PCDH7: variants seen among roughly 807,000 people sequenced by gnomAD.
PCDH7 encodes the protein protocadherin 7.
A neutral mutation model predicts 58.9 loss-of-function variants in PCDH7; 17 were observed. That is an observed-to-expected ratio of 0.29 (90% confidence interval 0.20 to 0.43). PCDH7 has a LOEUF of 0.43. PCDH7 is among the 20% of genes least tolerant of loss of function. The pLI, the probability that PCDH7 is intolerant of heterozygous loss-of-function variation, is 1.00. For synonymous variants in PCDH7, 664 were observed against 616.4 expected, an observed-to-expected ratio of 1.08 and a Z score of -1.14; for missense variants, 1,274 against 1,441.0, an observed-to-expected ratio of 0.88 and a Z score of 1.88.
intron 3 of PCDH7, among the ~76,000 whole-genome samples, chr4:31,121,871 G>A (rs1717732893): frequency 6.6e-6 from 1 of 152,114 alleles, no homozygotes; most frequent in African/African-American, 2.4e-5. Flanking sequence ...CTACAAGGTA[G>A]CAGATTTTAT....
At chr4:31,101,101 T>A (rs1329392822) in intron 3 of PCDH7, among the ~76,000 whole-genome samples, 2 of 150,980 alleles carry the variant, frequency 1.3e-5, no homozygotes, top group Non-Finnish European at 3.0e-5. Flanking sequence ...CCAGGTAGCA[T>A]TTTTTTTTCA....
chr4:31,088,042 C>CA (rs2109280017), intron 3 of PCDH7, among the ~76,000 whole-genome samples: 1 of 151,970 alleles, frequency 6.6e-6, no homozygotes, highest in Non-Finnish European at 1.5e-5. Flanking sequence ...GGTGTAATGC[C>CA]AAAAATCACT....
intron 3 of PCDH7, among the ~76,000 whole-genome samples, chr4:31,094,023 T>C (rs1713617331): frequency 6.6e-6 from 1 of 152,146 alleles, no homozygotes; most frequent in African/African-American, 2.4e-5. Flanking sequence ...TCTATCACTG[T>C]CTTTGGGAAC....
chr4:31,121,168 A>G (rs867904879), intron 3 of PCDH7, among the ~76,000 whole-genome samples: 1 of 152,208 alleles, frequency 6.6e-6, no homozygotes, highest in Admixed American at 6.5e-5. Flanking sequence ...TCCTTTGCAC[A>G]TTGTCTTCAT....
chr4:31,136,327 T>A (rs1719599192), intron 3 of PCDH7, among the ~76,000 whole-genome samples: 1 of 152,176 alleles, frequency 6.6e-6, no homozygotes, highest in African/African-American at 2.4e-5. Flanking sequence ...ATCTCACATA[T>A]AAGGAACTTG....
intron 3 of PCDH7, among the ~76,000 whole-genome samples, chr4:30,964,346 A>G (rs1225458584): frequency 1.3e-5 from 2 of 151,444 alleles, no homozygotes; most frequent in Non-Finnish European, 2.9e-5. Context: ...GGTTCACGAC[A>G]TTATCCTGCC....
intron 3 of PCDH7, among the ~76,000 whole-genome samples, chr4:31,113,803 A>G (rs1248883557): frequency 6.8e-6 from 1 of 148,094 alleles, no homozygotes; most frequent in Non-Finnish European, 1.5e-5. Context: ...ATTTAGTTAT[A>G]GTTTTTGAAA....
chr4:30,960,543 G>A (rs1425035509), intron 3 of PCDH7, among the ~76,000 whole-genome samples: 1 of 152,118 alleles, frequency 6.6e-6, no homozygotes, highest in Non-Finnish European at 1.5e-5. Context: ...GAAAAGATCT[G>A]GGGAGGAAAT....
chr4:30,765,767 C>T (rs978209714), intron 1 of PCDH7, among the ~76,000 whole-genome samples: 1 of 152,026 alleles, frequency 6.6e-6, no homozygotes, highest in Non-Finnish European at 1.5e-5. Context: ...GAAGGGAGAG[C>T]TGTTTTAATA....
intron 3 of PCDH7, among the ~76,000 whole-genome samples, chr4:31,114,111 C>T (rs1470376467): frequency 3.9e-5 from 6 of 152,036 alleles, no homozygotes; most frequent in South Asian, 2.1e-4. Flanking sequence ...TGGAATTACA[C>T]GCGTGAGCCA....
intron 1 of PCDH7, among the ~76,000 whole-genome samples, chr4:30,737,979 T>A (rs796860631): frequency 2.6e-5 from 4 of 152,176 alleles, no homozygotes; most frequent in African/African-American, 7.2e-5. Context: ...CAGTTTCTGA[T>A]GAGGTCTCTC....
Position 30,721,599 on chromosome 4 carries a change from C to T in PCDH7, c.177C>T (p.Thr59=). 1 of 1,611,442 alleles carries T rather than the reference C, an allele frequency of 6.2e-7. No individual in the cohort carries two copies. The highest frequency in any genetic ancestry group is 8.5e-7 in the Non-Finnish European group (1 of 1,179,850). The change falls in exon 1 of 2, where the codon ACC becomes ACT. Residue 59 remains threonine, a synonymous_variant. Transcript: ENST00000361762. This position sits in a 1 kb window ranked among gnomAD's most constrained non-coding sequence, Gnocchi z 6.7. ...TGGCTTCAGACCTGGGCATCGTGAC[C>T]GGATCGGGTGAGGTGACTTTCAGCC...
chr4:30,997,227 T>C (rs1751976587), intron 3 of PCDH7, among the ~76,000 whole-genome samples: 1 of 152,186 alleles, frequency 6.6e-6, no homozygotes, highest in African/African-American at 2.4e-5. Flanking sequence ...TTTATAATTC[T>C]GTAATCTATG....
chr4:31,089,581 T>A (rs1712957816), intron 3 of PCDH7, among the ~76,000 whole-genome samples: 1 of 152,088 alleles, frequency 6.6e-6, no homozygotes, highest in Non-Finnish European at 1.5e-5. Flanking sequence ...AGAGTTTAAA[T>A]CATAACCATG....
In PCDH7 at chr4:30,964,280, C is replaced by T. The variant is rs1383972164; in HGVS notation, c.*7+14065C>T. Among the ~76,000 whole-genome samples, 476 of 149,118 alleles carry T rather than the reference C, an allele frequency of 3.2e-3. 5 individuals are homozygous for T. The highest frequency in any genetic ancestry group is 0.011 in the African/African-American group (446 of 40,676). On this transcript the variant is annotated intron_variant, in intron 3 of 3. Coordinates refer to the PCDH7 transcript ENST00000509759. ...TTTTTGAGATGAAATCTGGCTCTGT[C>T]TCCCAGGCTGGAGTGCAGTGGCCTG...
chr4:30,807,028 T>C (rs1726307321), intron 1 of PCDH7, among the ~76,000 whole-genome samples: 1 of 152,180 alleles, frequency 6.6e-6, no homozygotes, highest in Non-Finnish European at 1.5e-5. Flanking sequence ...GGTAAGCATC[T>C]CCAGCCATCC....
intron 1 of PCDH7, among the ~76,000 whole-genome samples, chr4:30,810,661 G>C (rs1437953887): frequency 1.3e-5 from 2 of 150,276 alleles, no homozygotes; most frequent in African/African-American, 2.5e-5. Flanking sequence ...ACCCAGGCTG[G>C]AGTGCAGTGG....
intron 2 of PCDH7, among the ~76,000 whole-genome samples, chr4:30,933,477 C>T (rs533198691): frequency 3.1e-4 from 47 of 152,136 alleles, no homozygotes; most frequent in Admixed American, 2.0e-4. Flanking sequence ...CTCTAACTTA[C>T]GCTTGTTGTT....
chr4:31,135,148 G>A (rs1447522176), intron 3 of PCDH7, among the ~76,000 whole-genome samples: 2 of 152,104 alleles, frequency 1.3e-5, no homozygotes, highest in Admixed American at 6.6e-5. Context: ...GTCTTGTCCT[G>A]ATTTTCAATT....
Sources: allele counts gnomAD v4.1 joint callset (sites outside exome capture counted in the v4.1 genomes callset), GRCh38; gene constraint gnomAD v4.1.1; non-coding constraint Gnocchi (gnomAD v3.1); transcripts MANE v1.5; gene names NCBI Gene and HGNC (gene_info 2026-07-23, HGNC 2026-07-21).